CEP63: variants seen among roughly 807,000 people sequenced by gnomAD.
CEP63 encodes centrosomal protein 63, also known as centrosomal protein of 63 kDa.
CEP63 carries 84 observed loss-of-function variants against 89.1 expected under a neutral mutation model. That is an observed-to-expected ratio of 0.94 (90% CI 0.79 to 1.13). CEP63 has a LOEUF of 1.13. CEP63 is among the 50% of genes most tolerant of loss of function. CEP63 has a pLI of 0.00. For missense variants in CEP63, 838 were observed against 813.3 expected (o/e 1.03, Z -0.37); for synonymous variants, 267 against 272.5 (o/e 0.98, Z 0.20).
the CEP63 span, among the ~76,000 whole-genome samples, chr3:134,735,782 A>G: frequency 6.6e-6 from 1 of 152,140 alleles, no homozygotes; most frequent in African/African-American, 2.4e-5. Context: ...AAATCTATCA[A>G]CTAAGAAAAT....
intron 1 of CEP63, among the ~76,000 whole-genome samples, chr3:134,493,600 T>G (rs1938534038): frequency 6.6e-6 from 1 of 152,212 alleles, no homozygotes; most frequent in Admixed American, 6.5e-5. Context: ...TTAGTATCTT[T>G]AAAAATAGAT....
the CEP63 span, among the ~76,000 whole-genome samples, chr3:134,628,442 G>A: frequency 2.6e-5 from 4 of 152,226 alleles, no homozygotes; most frequent in Non-Finnish European, 5.9e-5. Flanking sequence ...GATGGGATCA[G>A]GGGAGTTGAA....
chr3:134,584,302 C>T lies in CEP63; in HGVS notation c.1207-3156C>T, dbSNP rs373637008. On this transcript the variant is annotated intron_variant, in intron 10 of 10. Transcript: ENST00000683931. ...AATTTTTGCCCATTCAGTATGGTAT[C>T]GGCTGTGGGTTTCTCATAAATAGCT... Among the ~76,000 whole-genome samples, 60 of 152,136 alleles carry T rather than the reference C, an allele frequency of 3.9e-4. 1 individual carries two copies. In the East Asian group the frequency reaches 6.0e-3, roughly 15 times the overall value.
At chr3:134,772,525 A>C in the CEP63 span, among the ~76,000 whole-genome samples, 2 of 144,888 alleles carry the variant, frequency 1.4e-5, no homozygotes. Flanking sequence ...CTTCTCCTCC[A>C]TTTTCTCTTC....
At chr3:134,717,379 G>A in the CEP63 span, among the ~76,000 whole-genome samples, 8 of 152,238 alleles carry the variant, frequency 5.3e-5, no homozygotes, top group African/African-American at 1.4e-4. Context: ...CCATCCACAC[G>A]TGTGCATGTG....
chr3:134,543,226 T>A (rs959108682), intron 6 of CEP63, among the ~76,000 whole-genome samples: 2 of 152,236 alleles, frequency 1.3e-5, no homozygotes, highest in African/African-American at 4.8e-5. Context: ...TACATTTTTT[T>A]AATGAGTCTT....
the CEP63 span, chr3:134,608,292 GACTC>G: frequency 2.0e-5 from 24 of 1,220,706 alleles, no homozygotes; most frequent in Admixed American, 6.0e-4. Context: ...AACTGAGAGA[GACTC>G]ACCCAGCTAG....
the CEP63 span, among the ~76,000 whole-genome samples, chr3:134,736,995 G>C: frequency 6.6e-6 from 1 of 152,170 alleles, no homozygotes; most frequent in South Asian, 2.1e-4. Context: ...AGCTCAGAAA[G>C]AGTCAGACAT....
At chr3:134,712,080 G>C in the CEP63 span, among the ~76,000 whole-genome samples, 2 of 152,104 alleles carry the variant, frequency 1.3e-5, no homozygotes, top group African/African-American at 2.4e-5. Flanking sequence ...TGATCATTAC[G>C]TGTGACTTTT....
At chr3:134,736,610 T>C in the CEP63 span, among the ~76,000 whole-genome samples, 2 of 152,230 alleles carry the variant, frequency 1.3e-5, no homozygotes, top group Non-Finnish European at 2.9e-5. Flanking sequence ...AACAAGTGTT[T>C]GTGACCTTTC....
At chr3:134,766,274 C>T in the CEP63 span, among the ~76,000 whole-genome samples, 2 of 152,198 alleles carry the variant, frequency 1.3e-5, no homozygotes, top group Non-Finnish European at 2.9e-5. Flanking sequence ...ATGTGTATAG[C>T]CCTCCAGGAT....
rs765441935 is a variant in CEP63, at chr3:134,537,207, A to C, written c.494A>C (p.Gln165Pro). The change falls in exon 6 of 15, where the codon CAA (glutamine) becomes CCA (proline). Residue 165 changes from glutamine (Q) to proline (P), a missense_variant. Physicochemically the swap from Gln to Pro is moderately conservative, Grantham distance 76. Transcript: ENST00000675561. Reference sequence around the variant, plus strand: ...GAGAAGCAACGCTTGATTTATCAGCAACAGGTATCTTCACTGGAGGCACAA... The same window carrying C: ...GAGAAGCAACGCTTGATTTATCAGCCACAGGTATCTTCACTGGAGGCACAA... ...DWEKQRLIYQQQVSSLEAQRK... is the reference protein window; with the variant it reads ...DWEKQRLIYQPQVSSLEAQRK... 1.9e-6 allele frequency: 3 copies of C among 1,614,086 alleles called. No individual in the cohort carries two copies. Among genetic ancestry groups the C allele is most frequent in the Non-Finnish European group, 2.5e-6 (3 of 1,179,918 alleles).
At chr3:134,500,116 A>T (rs1260792258) in intron 2 of CEP63, among the ~76,000 whole-genome samples, 1 of 152,028 alleles carries the variant, frequency 6.6e-6, no homozygotes, top group Non-Finnish European at 1.5e-5. Context: ...GTGAGCCACC[A>T]TGCCTGGCTT....
At chr3:134,758,684 T>G in the CEP63 span, among the ~76,000 whole-genome samples, 3 of 152,168 alleles carry the variant, frequency 2.0e-5, no homozygotes, top group Admixed American at 6.5e-5. Flanking sequence ...TTGGCCCTGA[T>G]CTAAGATAGT....
At chr3:134,733,794 T>G in the CEP63 span, among the ~76,000 whole-genome samples, 2 of 152,230 alleles carry the variant, frequency 1.3e-5, no homozygotes, top group African/African-American at 4.8e-5. Context: ...ATCTCAGGCT[T>G]CTAGCCTGCA....
the CEP63 span, among the ~76,000 whole-genome samples, chr3:134,599,450 G>C: frequency 1.3e-5 from 2 of 152,090 alleles, no homozygotes; most frequent in Non-Finnish European, 2.9e-5. Flanking sequence ...GAAATGTCTG[G>C]ATTTTTCATT....
downstream of CEP63, among the ~76,000 whole-genome samples, chr3:134,566,047 T>C (rs1418940224): frequency 1.3e-5 from 2 of 152,152 alleles, no homozygotes; most frequent in African/African-American, 2.4e-5. Flanking sequence ...TTTAGAGGGA[T>C]GATAGACTGC....
At chr3:134,657,672 T>C in the CEP63 span, among the ~76,000 whole-genome samples, 2 of 152,322 alleles carry the variant, frequency 1.3e-5, no homozygotes, top group African/African-American at 4.8e-5. Context: ...TTCCTTAGAA[T>C]AGATTCTTGG....
At chr3:134,717,340 C>A in the CEP63 span, among the ~76,000 whole-genome samples, 1 of 152,224 alleles carries the variant, frequency 6.6e-6, no homozygotes, top group Non-Finnish European at 1.5e-5. Context: ...TCAAACACTG[C>A]ATAACTGGGT....
Sources: gnomAD v4.1 joint callset for allele counts (sites outside exome capture counted in the v4.1 genomes callset) on GRCh38, gnomAD v4.1.1 for gene constraint, MANE v1.5 for transcripts, NCBI Gene and HGNC (gene_info 2026-07-23, HGNC 2026-07-21) for gene names.